Variants in EBF4 observed in about 807,000 individuals in gnomAD.
EBF4 encodes EBF transcription factor 4.
EBF4 carries 34 observed loss-of-function variants against 67.1 expected under a neutral mutation model. That is an observed-to-expected ratio of 0.51 (90% confidence interval 0.39 to 0.67). EBF4 has a LOEUF of 0.67. Ranked by LOEUF, EBF4 falls within the 30% of genes least tolerant of loss-of-function variation. The probability of loss-of-function intolerance (pLI) is 0.00; values close to 1 mark genes in which losing one functional copy is unlikely to be tolerated. For missense variants in EBF4, 837 were observed against 873.3 expected (o/e 0.96, Z 0.52); for synonymous variants, 387 against 377.7 (o/e 1.02, Z -0.29).
chr20:2,727,266 A>G (rs749872063), intron 6 of EBF4, among the ~76,000 whole-genome samples: 11 of 152,066 alleles, frequency 7.2e-5, no homozygotes, highest in East Asian at 1.9e-4. Flanking sequence ...AGTTGCTTCT[A>G]TCTCTTGGCT....
chr20:2,755,603 G>T lies in EBF4; in HGVS notation c.1541-24G>T. 1.9e-6 allele frequency: 2 copies of T among 1,077,726 alleles called. No individual in the cohort carries two copies. The highest frequency in any genetic ancestry group is 2.7e-5 in the South Asian group (2 of 74,198). The allele number at this position is 1,077,726 out of a possible 1,614,324, so 66.8% of individuals were successfully genotyped here. ...TCCCACCACCTTCCCTGCTGCGCCTGCCCCTCCCCGCCCCGCCCCGGAGTC... is the reference window on the plus strand; with the variant it reads ...TCCCACCACCTTCCCTGCTGCGCCTTCCCCTCCCCGCCCCGCCCCGGAGTC... On this transcript the variant is annotated intron_variant, in intron 14 of 16. Coordinates refer to ENST00000609451, the Ensembl canonical transcript of EBF4. The surrounding 1 kb of genome is among the most constrained non-coding windows in gnomAD (Gnocchi z 4.7).
chr20:2,736,881 G>A (rs949408496), intron 6 of EBF4, among the ~76,000 whole-genome samples: 1 of 152,198 alleles, frequency 6.6e-6, no homozygotes, highest in African/African-American at 2.4e-5. Flanking sequence ...CTGGGCAGCC[G>A]AAGCCAAGCT....
At chr20:2,724,522 C>G (rs1045960092) in intron 6 of EBF4, among the ~76,000 whole-genome samples, 2 of 152,098 alleles carry the variant, frequency 1.3e-5, no homozygotes, top group African/African-American at 4.8e-5. Context: ...GACTCCGTTT[C>G]TTGAAAGATG....
Position 2,755,582 on chromosome 20 carries a change from A to C in EBF4, c.1541-45A>C. On this transcript the variant is annotated intron_variant, in intron 14 of 16. Transcript: ENST00000609451. The surrounding 1 kb of genome is among the most constrained non-coding windows in gnomAD (Gnocchi z 4.7). ...GTGCTGTCTCCCTGTTGTGTCTCCC[A>C]CCACCTTCCCTGCTGCGCCTGCCCC... The C allele has an allele frequency of 1.0e-6, 1 of 979,886 alleles. No homozygotes were observed. The highest frequency in any genetic ancestry group is 1.6e-6 in the Non-Finnish European group (1 of 634,602). The allele number at this position is 979,886 out of a possible 1,614,324, so 60.7% of individuals were successfully genotyped here.
chr20:2,749,096 C>T (rs1316582927), intron 7 of EBF4, among the ~76,000 whole-genome samples: 1 of 152,186 alleles, frequency 6.6e-6, no homozygotes, highest in East Asian at 1.9e-4. Flanking sequence ...CTTGGAGGTC[C>T]GTGGATACAA....
At chr20:2,734,542 T>G (rs1169366117) in intron 6 of EBF4, among the ~76,000 whole-genome samples, 1 of 152,266 alleles carries the variant, frequency 6.6e-6, no homozygotes, top group Non-Finnish European at 1.5e-5. Context: ...CATAATTGTT[T>G]GTTGAAAACT....
At chr20:2,734,210 C>A (rs1600228084) in intron 6 of EBF4, among the ~76,000 whole-genome samples, 1 of 152,102 alleles carries the variant, frequency 6.6e-6, no homozygotes, top group East Asian at 1.9e-4. Flanking sequence ...GAGTTTGAGA[C>A]CAGCCTGGGC....
intron 6 of EBF4, among the ~76,000 whole-genome samples, chr20:2,727,296 T>C (rs2087758664): frequency 6.6e-6 from 1 of 152,170 alleles, no homozygotes; most frequent in Non-Finnish European, 1.5e-5. Flanking sequence ...GGTGTGCAGA[T>C]ATCTCTCTGA....
chr20:2,752,972 C>G (rs1389363383), intron 14 of EBF4, among the ~76,000 whole-genome samples: 1 of 152,170 alleles, frequency 6.6e-6, no homozygotes, highest in African/African-American at 2.4e-5. Flanking sequence ...CGAGGGAAGC[C>G]GGCTTCCAGC....
chr20:2,757,514 C>A (rs2088263463), intron 15 of EBF4, among the ~76,000 whole-genome samples: 1 of 152,186 alleles, frequency 6.6e-6, no homozygotes. Flanking sequence ...AGCCCATATT[C>A]AGGGAAGGAC....
chr20:2,719,056 G>T (rs940502972), intron 6 of EBF4, among the ~76,000 whole-genome samples: 15 of 152,038 alleles, frequency 9.9e-5, no homozygotes, highest in African/African-American at 3.6e-4. Flanking sequence ...AAAACTTGGG[G>T]GGATTCTCCT....
chr20:2,731,701 C>G (rs2087816235), intron 6 of EBF4, among the ~76,000 whole-genome samples: 1 of 152,222 alleles, frequency 6.6e-6, no homozygotes, highest in Non-Finnish European at 1.5e-5. Context: ...CCAAGTTTTT[C>G]TCTGTCCGTG....
At chr20:2,727,347 C>T (rs2146437487) in intron 6 of EBF4, among the ~76,000 whole-genome samples, 1 of 152,152 alleles carries the variant, frequency 6.6e-6, no homozygotes, top group African/African-American at 2.4e-5. Flanking sequence ...ACAGTCATCC[C>T]TCAGTATATG....
chr20:2,730,581 C>T (rs1224814156), intron 6 of EBF4, among the ~76,000 whole-genome samples: 1 of 152,200 alleles, frequency 6.6e-6, no homozygotes, highest in Non-Finnish European at 1.5e-5. Context: ...GGTGAGGCAA[C>T]AATGACGTCC....
At chr20:2,716,310 G>C (rs558958518) in intron 6 of EBF4, among the ~76,000 whole-genome samples, 1 of 151,190 alleles carries the variant, frequency 6.6e-6, no homozygotes, top group East Asian at 2.0e-4. Flanking sequence ...GCAGATCACC[G>C]GAGGTCGGGA....
chr20:2,739,097 A>C lies in EBF4; in HGVS notation c.558-9452A>C, dbSNP rs897607053. ...CCAGGAAGCAGCCTGGGCCAACCCC[A>C]CATGGGCCTGAACTATTACAGTAAG... is the stretch of plus-strand genomic sequence containing the variant. On this transcript the variant is annotated intron_variant, in intron 6 of 16. Transcript: ENST00000609451. This position sits in a 1 kb window ranked among gnomAD's most constrained non-coding sequence, Gnocchi z 4.5. 1.3e-5 allele frequency among the ~76,000 whole-genome samples: 2 copies of C among 152,162 alleles called. No homozygotes were observed. The highest frequency in any genetic ancestry group is 2.9e-5 in the Non-Finnish European group (2 of 68,030).
In EBF4 at chr20:2,739,761, G is replaced by A. The variant is rs546702012; in HGVS notation, c.558-8788G>A. 1.3e-5 allele frequency among the ~76,000 whole-genome samples: 2 copies of A among 152,160 alleles called. No individual in the cohort carries two copies. The highest frequency in any genetic ancestry group is 2.9e-5 in the Non-Finnish European group (2 of 68,032). ...ATGGGAGCCCAAGACAAATCTTTTAGGATAAAAATTAGCGGAGATCCCTGT... is the reference window on the plus strand; with the variant it reads ...ATGGGAGCCCAAGACAAATCTTTTAAGATAAAAATTAGCGGAGATCCCTGT... On this transcript the variant is annotated intron_variant, in intron 6 of 16. Transcript: ENST00000609451. This position sits in a 1 kb window ranked among gnomAD's most constrained non-coding sequence, Gnocchi z 4.5.
chr20:2,740,777 G>A (rs1351722142), intron 6 of EBF4, among the ~76,000 whole-genome samples: 1 of 152,180 alleles, frequency 6.6e-6, no homozygotes, highest in Non-Finnish European at 1.5e-5. Flanking sequence ...TCGGAGTCTA[G>A]CGTCAGCCTA....
chr20:2,712,984 T>C (rs1269479742), intron 6 of EBF4, among the ~76,000 whole-genome samples: 1 of 152,104 alleles, frequency 6.6e-6, no homozygotes, highest in Non-Finnish European at 1.5e-5. Context: ...AGAAGACTGA[T>C]AGAATTGTGT....
Sources: gnomAD v4.1 joint callset for allele counts (sites outside exome capture counted in the v4.1 genomes callset) on GRCh38, gnomAD v4.1.1 for gene constraint, Gnocchi (gnomAD v3.1) non-coding constraint, MANE v1.5 for transcripts, NCBI Gene and HGNC (gene_info 2026-07-23, HGNC 2026-07-21) for gene names.